Variants in DPP8 observed in about 807,000 individuals in gnomAD.
DPP8 encodes DPP VIII.
A neutral mutation model predicts 107.5 loss-of-function variants in DPP8; 31 were observed. The ratio of observed to expected loss-of-function variants is 0.29; its 90% confidence interval spans 0.22 to 0.39. DPP8 has a LOEUF of 0.39. Among genes scored for constraint, DPP8 ranks in the 10% least tolerant of loss-of-function variants. DPP8 has a pLI of 1.00. For synonymous variants in DPP8, 381 were observed against 356.6 expected (o/e 1.07, Z -0.77); for missense variants, 842 against 1,076.1 (o/e 0.78, Z 3.04).
rs140113792 is a variant in DPP8 at position 65,456,241 on chromosome 15, G to A, written c.2102C>T (p.Ala701Val). The A allele has an allele frequency of 2.5e-5, 40 of 1,608,026 alleles. No homozygotes were observed. Among genetic ancestry groups the A allele is most frequent in the Middle Eastern group, 3.3e-4 (2 of 6,050 alleles). The change falls in exon 16 of 20, where the codon GCC becomes GTC. Residue 701 changes from alanine (A) to valine (V), a missense_variant. Coordinates refer to ENST00000300141, the MANE Select transcript of DPP8 (RefSeq NM_130434.5). ...SCHRGLKFEGAFKYKMGQIEI... is the reference protein window; with the variant it reads ...SCHRGLKFEGVFKYKMGQIEI... ...CTCACACACCATTTTATATTTAAAG[G>A]CGCCTTCAAATTTAAGCCCTCGGTG...
rs1293976205 is a variant in DPP8, at chr15:65,444,411, C to G, written c.*2473G>C. ...TGATATTTAACCTAGTGCTTTTTGG[C>G]TCCCACTAAACTGTTGCTACTTTTA... On this transcript the variant is annotated 3_prime_UTR_variant, in exon 20 of 20. Transcript: ENST00000300141. The G allele has an allele frequency of 6.6e-6, 1 of 152,158 alleles. No homozygotes were observed. The highest frequency in any genetic ancestry group is 1.5e-5 in the Non-Finnish European group (1 of 68,018). 9.4% of individuals were successfully genotyped at this position (152,158 alleles called of 1,614,324 possible).
chr15:65,493,544 A>C (rs909472758), intron 5 of DPP8, among the ~76,000 whole-genome samples: 1 of 152,166 alleles, frequency 6.6e-6, no homozygotes, highest in Non-Finnish European at 1.5e-5. Context: ...TCCTCAGGTC[A>C]CTTCAGGTCA....
chr15:65,516,854 A>C (rs1017379480), intron 1 of DPP8: 4 of 152,396 alleles, frequency 2.6e-5, no homozygotes, highest in Non-Finnish European at 5.9e-5. Context: ...ATGAATGAGG[A>C]ACAAGAGGAG....
intron 1 of DPP8, chr15:65,515,729 A>G: frequency 8.1e-6 from 13 of 1,601,614 alleles, no homozygotes; most frequent in Non-Finnish European, 1.1e-5. Flanking sequence ...GACTTCAAGC[A>G]TAGAATCCCT....
intron 12 of DPP8, among the ~76,000 whole-genome samples, chr15:65,469,110 G>T (rs1339745225): frequency 1.3e-5 from 2 of 152,006 alleles, no homozygotes; most frequent in African/African-American, 4.8e-5. Flanking sequence ...TGAGTAGCTG[G>T]GATTACAGGC....
intron 17 of DPP8, among the ~76,000 whole-genome samples, chr15:65,453,267 T>C (rs149152610): frequency 2.0e-5 from 3 of 152,342 alleles, no homozygotes; most frequent in Middle Eastern, 3.4e-3. Context: ...CCTGCCCTCA[T>C]AGCTTGCAGT....
At chr15:65,512,266 T>C (rs1408733767) in intron 2 of DPP8, 29 bp downstream of exon 2, 2 of 1,574,688 alleles carry the variant, frequency 1.3e-6, no homozygotes, top group African/African-American at 1.4e-5. Flanking sequence ...GAGATCATTT[T>C]CTCTCAGAAA....
At chr15:65,459,644 A>C (rs2064744129) in intron 15 of DPP8, 1 of 152,192 alleles carries the variant, frequency 6.6e-6, no homozygotes, top group African/African-American at 2.4e-5. Flanking sequence ...GTACTGCATA[A>C]AGTATTCTAA....
chr15:65,476,211 G>A (rs1043919896), intron 11 of DPP8, among the ~76,000 whole-genome samples: 2 of 152,142 alleles, frequency 1.3e-5, no homozygotes, highest in Non-Finnish European at 2.9e-5. Flanking sequence ...CTGTATTAGT[G>A]TCTTTCCTAG....
At chr15:65,464,054 A>T in intron 14 of DPP8, 148 bp from the exon 15 acceptor site, 1 of 619,342 alleles carries the variant, frequency 1.6e-6, no homozygotes, top group East Asian at 3.1e-5. Flanking sequence ...TTTAAGCAAG[A>T]GTATATTCAT....
At chr15:65,468,516 T>C (rs1026350414) in intron 12 of DPP8, among the ~76,000 whole-genome samples, 2 of 151,870 alleles carry the variant, frequency 1.3e-5, no homozygotes, top group Non-Finnish European at 1.5e-5. Context: ...AAAATTCAAA[T>C]TTTTTACACA....
At chr15:65,476,737 T>G (rs1289678241) in intron 11 of DPP8, among the ~76,000 whole-genome samples, 1 of 152,154 alleles carries the variant, frequency 6.6e-6, no homozygotes, top group Non-Finnish European at 1.5e-5. Flanking sequence ...CAGATACTTG[T>G]ACACCCACGT....
chr15:65,498,099 T>C (rs1257499324), intron 4 of DPP8, 67 bp from the exon 5 acceptor site: 2 of 1,186,960 alleles, frequency 1.7e-6, no homozygotes, highest in Non-Finnish European at 2.3e-6. Flanking sequence ...GCACCCTTCC[T>C]ATAAGATGAA....
At chr15:65,515,805 TAATGA>T (rs1376248851) in intron 1 of DPP8, 3 of 978,866 alleles carry the variant, frequency 3.1e-6, no homozygotes, top group African/African-American at 1.6e-5. Flanking sequence ...CTCACCAGGA[TAATGA>T]AATAAGATAA....
At position 65,500,624 on chromosome 15, in the gene DPP8, T is replaced by C. The variant is rs946885534; in HGVS notation, c.528A>G (p.Gly176=). The stretch of plus-strand genomic sequence containing the variant: ...AACTTACCGTAAATCCTTGTGGCCC[T>C]CCATCTTTTACGTGATAAATTCCAC... The part of the protein sequence containing the change: ...AGSGIYHVKD[G]GPQGFTQQPL... Residue 176 remains glycine, a synonymous_variant, in exon 4 of 20, where the codon GGA becomes GGG. Transcript: ENST00000300141. The C allele has an allele frequency of 1.2e-6, 2 of 1,613,920 alleles. No homozygotes were observed. The highest frequency in any genetic ancestry group is 2.7e-5 in the African/African-American group (2 of 75,036).
chr15:65,508,907 C>G (rs1363693079), intron 2 of DPP8, among the ~76,000 whole-genome samples: 1 of 151,514 alleles, frequency 6.6e-6, no homozygotes, highest in African/African-American at 2.4e-5. Context: ...GGAAGGAAAA[C>G]ATAAATCACA....
At chr15:65,466,050 T>C (rs1271654050) in intron 14 of DPP8, among the ~76,000 whole-genome samples, 4 of 152,226 alleles carry the variant, frequency 2.6e-5, no homozygotes, top group Admixed American at 6.5e-5. Context: ...TTCAGAATAC[T>C]ATTCTCCTCA....
Position 65,465,370 on chromosome 15 carries a change from G to T in DPP8, c.1825+1308C>A, listed in dbSNP as rs1047318821. 2.4e-4 allele frequency among the ~76,000 whole-genome samples: 37 copies of T among 151,728 alleles called. 1 individual carries two copies. The East Asian group carries it at 3.9e-3, about 16-fold the overall frequency. ...TTTAGTAGATGTGGGGTTTCACCAT[G>T]TTGGCCAGGCTGCTCTTGAACTCCT... On this transcript the variant is annotated intron_variant, in intron 14 of 19. Transcript: ENST00000300141.
At chr15:65,498,438 G>C (rs1333468221) in intron 4 of DPP8, among the ~76,000 whole-genome samples, 1 of 149,374 alleles carries the variant, frequency 6.7e-6, no homozygotes, top group Non-Finnish European at 1.5e-5. Context: ...AAAAAAAAAA[G>C]TCAACAATGA....
Sources: allele counts gnomAD v4.1 joint callset (sites outside exome capture counted in the v4.1 genomes callset), GRCh38; gene constraint gnomAD v4.1.1; transcripts MANE v1.5; gene names NCBI Gene and HGNC (gene_info 2026-07-23, HGNC 2026-07-21).